Variants in DMD observed in about 807,000 individuals in gnomAD.
The protein encoded by DMD is dystrophin.
Under a neutral mutation model 330.1 loss-of-function variants are expected in DMD, and 63 were observed. That is an observed-to-expected ratio of 0.19 (90% CI 0.16 to 0.24). The LOEUF is 0.24. DMD is among the 10% of genes least tolerant of loss of function. DMD has a pLI of 1.00. For synonymous variants in DMD, 1,223 were observed against 959.8 expected (o/e 1.27, Z -5.07); for missense variants, 3,344 against 2,684.1 (o/e 1.25, Z -5.43).
At chrX:32,364,759 T>A in intron 35 of DMD, 49 bp from the exon 36 acceptor site, 1 of 1,163,531 alleles carries the variant, frequency 8.6e-7, no homozygotes. Context: ...GACAATATTC[T>A]TAAAGAATTT....
chrX:31,380,404 C>T (rs932731316), intron 60 of DMD, among the ~76,000 whole-genome samples: 14 of 109,596 alleles, frequency 1.3e-4, no homozygotes, highest in Admixed American at 7.8e-4. Flanking sequence ...AAGCATAAGA[C>T]ACCTCTACTC....
chrX:32,645,391 T>TA, intron 9 of DMD, among the ~76,000 whole-genome samples: 1 of 112,294 alleles, frequency 8.9e-6, no homozygotes, highest in Non-Finnish European at 1.9e-5. Context: ...AAAGCTCTTC[T>TA]AGATTACTGG....
intron 1 of DMD, among the ~76,000 whole-genome samples, chrX:33,264,698 T>C (rs1187040805): frequency 1.5e-5 from 1 of 65,914 alleles, no homozygotes; most frequent in Non-Finnish European, 3.7e-5. Flanking sequence ...ATATGTATTT[T>C]AGTAAAGATA....
intron 25 of DMD, among the ~76,000 whole-genome samples, chrX:32,455,429 G>A (rs773158855): frequency 1.8e-5 from 2 of 111,322 alleles, no homozygotes; most frequent in South Asian, 3.7e-4. Flanking sequence ...TGTTAAGACA[G>A]GGAAAAATAA....
rs774497863 is a variant in DMD at position 32,020,907 on chromosome X, C to T, written c.6439-52393G>A. On this transcript the variant is annotated intron_variant, in intron 44 of 78. Transcript: ENST00000357033. ...TTATGTAAACAATACAAACCCTTAG[C>T]TCATTTAGATTGGCTCCAATAAAAT... Among the ~76,000 whole-genome samples, 108 of 112,214 alleles carry T rather than the reference C, an allele frequency of 9.6e-4. 1 individual carries two copies. The highest frequency in any genetic ancestry group is 1.4e-3 in the Non-Finnish European group (75 of 53,232).
intron 67 of DMD, among the ~76,000 whole-genome samples, chrX:31,203,122 A>G (rs2043671664): frequency 9.2e-6 from 1 of 108,289 alleles, no homozygotes; most frequent in Admixed American, 9.9e-5. Context: ...TCTCTACTAA[A>G]AATACAAAAA....
At chrX:32,047,238 T>C (rs2096070605) in intron 44 of DMD, among the ~76,000 whole-genome samples, 2 of 111,598 alleles carry the variant, frequency 1.8e-5, no homozygotes, top group African/African-American at 6.5e-5. Context: ...CTATGGTTCA[T>C]TGAATGCTAG....
In DMD at chrX:33,027,915, A is replaced by G. The variant is rs139242305; in HGVS notation, c.32-7715T>C. ...AAGAGTATGGTCCTTTCCCAGACCT[A>G]GAGATGGTGGAGGAGGATAAAAATG... On this transcript the variant is annotated intron_variant, in intron 1 of 78. Coordinates refer to ENST00000357033, the MANE Select transcript of DMD (RefSeq NM_004006.3). 2.4e-3 allele frequency among the ~76,000 whole-genome samples: 269 copies of G among 111,920 alleles called. 2 individuals are homozygous for G. The highest frequency in any genetic ancestry group is 8.5e-3 in the African/African-American group (263 of 30,820).
At chrX:31,879,297 G>A (rs2094021694) in intron 47 of DMD, among the ~76,000 whole-genome samples, 1 of 109,474 alleles carries the variant, frequency 9.1e-6, no homozygotes, top group African/African-American at 3.3e-5. Flanking sequence ...TTGCTCAGGG[G>A]AACTCACATT....
chrX:32,049,371 C>T (rs948155539), intron 44 of DMD, among the ~76,000 whole-genome samples: 6 of 111,137 alleles, frequency 5.4e-5, no homozygotes, highest in Admixed American at 1.9e-4. Flanking sequence ...CATGCATAAC[C>T]GCAACTACAA....
intron 61 of DMD, among the ~76,000 whole-genome samples, chrX:31,344,044 G>GGGGA (rs200138403): frequency 3.8e-4 from 39 of 103,275 alleles, no homozygotes; most frequent in South Asian, 9.3e-4. Flanking sequence ...GTGCGGGGGG[G>GGGGA]GGTGGATTAT....
At chrX:32,408,876 C>CTATCTATCTATA (rs2098130058) in intron 30 of DMD, among the ~76,000 whole-genome samples, 3 of 103,959 alleles carry the variant, frequency 2.9e-5, no homozygotes, top group Non-Finnish European at 5.9e-5. Flanking sequence ...ATCTATCTAT[C>CTATCTATCTATA]TATCTATCTA....
chrX:31,817,797 C>T (rs1474903040), intron 50 of DMD, among the ~76,000 whole-genome samples: 2 of 111,352 alleles, frequency 1.8e-5, no homozygotes, highest in African/African-American at 6.5e-5. Context: ...TCACACTTCC[C>T]CTGACCCACT....
chrX:32,998,368 CAAAAAAAAAAA>C (rs35708010), intron 2 of DMD, among the ~76,000 whole-genome samples: 17 of 34,680 alleles, frequency 4.9e-4, no homozygotes, highest in African/African-American at 1.3e-3. Context: ...GACCCAGTGT[CAAAAAAAAAAA>C]AAAAAAAAAA....
intron 44 of DMD, among the ~76,000 whole-genome samples, chrX:32,055,122 A>G (rs920847348): frequency 9.0e-6 from 1 of 111,460 alleles, no homozygotes; most frequent in South Asian, 3.8e-4. Flanking sequence ...CCTGTGTTCT[A>G]TCACAGAGCT....
intron 37 of DMD, among the ~76,000 whole-genome samples, chrX:32,356,883 G>A (rs1309570602): frequency 1.8e-5 from 2 of 111,271 alleles, no homozygotes; most frequent in Admixed American, 9.6e-5. Context: ...TTTTATTATT[G>A]AAATTTTTTT....
chrX:32,952,952 T>C, intron 2 of DMD, among the ~76,000 whole-genome samples: 1 of 109,472 alleles, frequency 9.1e-6, no homozygotes, highest in Non-Finnish European at 1.9e-5. Flanking sequence ...CTGGCCAACA[T>C]GGTGAAGCCC....
At position 32,229,666 on chromosome X, in the gene DMD, C is replaced by A. The variant is rs144008129; in HGVS notation, c.6291-12603G>T. Among the ~76,000 whole-genome samples the A allele has an allele frequency of 6.1e-3, 376 of 62,046 alleles. 3 individuals carry two copies. The highest frequency in any genetic ancestry group is 9.4e-3 in the Non-Finnish European group (319 of 34,076). The allele number at this position is 62,046 out of a possible 115,157, so 53.9% of individuals were successfully genotyped here. A position where few individuals can be genotyped will look rare whatever the true frequency, so the allele number is the denominator to read the frequency against. On this transcript the variant is annotated intron_variant, in intron 43 of 78. Coordinates refer to ENST00000357033, the MANE Select transcript of DMD (RefSeq NM_004006.3). ...ATATTTTACATATATATATATATAT[C>A]TCAAAGAGTTTCATCATATATATAT...
intron 74 of DMD, among the ~76,000 whole-genome samples, chrX:31,149,157 C>T (rs2037091083): frequency 8.9e-6 from 1 of 112,183 alleles, no homozygotes; most frequent in Non-Finnish European, 1.9e-5. Context: ...CGTGAACATG[C>T]GATCTAATTT....
Sources: gnomAD v4.1 joint callset for allele counts (sites outside exome capture counted in the v4.1 genomes callset) on GRCh38, gnomAD v4.1.1 for gene constraint, MANE v1.5 for transcripts, NCBI Gene and HGNC (gene_info 2026-07-23, HGNC 2026-07-21) for gene names.